The following SENP1 variants were observed in gnomAD, a reference collection of about 807,000 sequenced individuals.
SENP1 encodes sentrin-specific protease 1.
In SENP1, 21 loss-of-function variants were observed where a neutral mutation model predicts 93.0. That is an observed-to-expected ratio of 0.23 (90% CI 0.16 to 0.33). The LOEUF (loss-of-function observed/expected upper bound fraction) is 0.33, where lower values mean the gene tolerates loss of function less well. Among genes scored for constraint, SENP1 ranks in the 10% least tolerant of loss-of-function variants. SENP1 has a pLI of 1.00. For missense variants in SENP1, 591 were observed against 758.7 expected (o/e 0.78, Z 2.60); for synonymous variants, 256 against 259.6 (o/e 0.99, Z 0.13).
At chr12:48,068,398 T>C (rs569735636) in intron 9 of SENP1, among the ~76,000 whole-genome samples, 6 of 152,360 alleles carry the variant, frequency 3.9e-5, no homozygotes, top group African/African-American at 1.4e-4. Flanking sequence ...ATGTTTTATG[T>C]ATTAGTTAAG....
rs1565744126 is a variant in SENP1, at chr12:48,056,476, T to TACATATTACATATATAAATA, written c.1407+7233_1407+7234insTATTTATATATGTAATATGT. Among the ~76,000 whole-genome samples, 15 of 65,562 alleles carry TACATATTACATATATAAATA rather than the reference T, an allele frequency of 2.3e-4. 1 individual carries two copies. The highest frequency in any genetic ancestry group is 1.5e-3 in the African/African-American group (13 of 8,532). 43.0% of individuals were successfully genotyped at this position (65,562 alleles called of 152,430 possible). ...TTACATATTACATATATAAATATAT[T>TACATATTACATATATAAATA]ATTTAATATATTACATATTACATAT... On this transcript the variant is annotated intron_variant, in intron 13 of 17. Transcript: ENST00000549518.
intron 16 of SENP1, 44 bp from the exon 17 acceptor site, chr12:48,046,495 TTTCCTTCTTAG>T: frequency 7.7e-7 from 1 of 1,303,184 alleles, no homozygotes; most frequent in Non-Finnish European, 1.1e-6. Flanking sequence ...TCCAAGCTTC[TTTCCTTCTTAG>T]ATTAAAAATA....
intron 9 of SENP1, among the ~76,000 whole-genome samples, chr12:48,068,610 C>A (rs528219037): frequency 6.6e-6 from 1 of 151,770 alleles, no homozygotes; most frequent in African/African-American, 2.4e-5. Flanking sequence ...TAAAAAAAAG[C>A]GGGGGAGGAA....
intron 6 of SENP1, among the ~76,000 whole-genome samples, chr12:48,078,898 C>A (rs1565782787): frequency 6.6e-6 from 1 of 152,196 alleles, no homozygotes; most frequent in Non-Finnish European, 1.5e-5. Context: ...TCCTATAATT[C>A]CAACTCTTTG....
chr12:48,080,163 T>C (rs1433257186), intron 6 of SENP1: 3 of 152,226 alleles, frequency 2.0e-5, no homozygotes, highest in African/African-American at 7.2e-5. Flanking sequence ...AACAGAAATT[T>C]CTGTAGTAAT....
chr12:48,047,119 A>C, intron 15 of SENP1, 57 bp from the exon 16 acceptor site: 1 of 1,085,130 alleles, frequency 9.2e-7, no homozygotes, highest in Non-Finnish European at 1.4e-6. Context: ...GACAGCTGCC[A>C]CACTAAGAAT....
chr12:48,050,388 T>C (rs1321412456), intron 13 of SENP1, among the ~76,000 whole-genome samples: 1 of 152,136 alleles, frequency 6.6e-6, no homozygotes, highest in African/African-American at 2.4e-5. Context: ...AAAGGGCCTA[T>C]AGATGAGGAT....
intron 1 of SENP1, among the ~76,000 whole-genome samples, chr12:48,102,408 G>A (rs1380038250): frequency 3.4e-5 from 5 of 145,598 alleles, no homozygotes; most frequent in African/African-American, 1.3e-4. Flanking sequence ...CTCCAGCCTG[G>A]GCGACAGAGC....
At chr12:48,046,264 G>GC in intron 17 of SENP1, 92 bp downstream of exon 17, 3 of 788,764 alleles carry the variant, frequency 3.8e-6, no homozygotes, top group Non-Finnish European at 6.7e-6. Context: ...TAGGGTAGAG[G>GC]CCCCTAAAGA....
chr12:48,065,357 A>G (rs1943229061), intron 11 of SENP1, 137 bp from the exon 12 acceptor site: 1 of 736,880 alleles, frequency 1.4e-6, no homozygotes, highest in Non-Finnish European at 2.2e-6. Context: ...GCTTTTTTGT[A>G]AAGTCAAAAA....
At chr12:48,105,242 T>C (rs1592531665) in intron 1 of SENP1, 7 of 392,722 alleles carry the variant, frequency 1.8e-5, no homozygotes, top group South Asian at 1.4e-4. Context: ...CAAGGCTGAC[T>C]TGAAAGTGAT....
At chr12:48,064,990 T>C in intron 12 of SENP1, 75 bp downstream of exon 12, 5 of 1,114,780 alleles carry the variant, frequency 4.5e-6, no homozygotes, top group South Asian at 1.4e-5. Context: ...ATTGCTTTTA[T>C]GTTTGAAACT....
chr12:48,058,132 G>A (rs1322728502), intron 13 of SENP1, among the ~76,000 whole-genome samples: 1 of 150,970 alleles, frequency 6.6e-6, no homozygotes, highest in East Asian at 1.9e-4. Context: ...TTTTTGTAGA[G>A]ACGGGGTTTC....
At chr12:48,088,771 G>C in intron 5 of SENP1, 30 bp downstream of exon 5, 1 of 1,592,640 alleles carries the variant, frequency 6.3e-7, no homozygotes, top group Non-Finnish European at 8.6e-7. Flanking sequence ...CTGAGGAAGG[G>C]CTTGAGAACT....
At position 48,059,332 on chromosome 12, in the gene SENP1, C is replaced by T. The variant is rs182576395; in HGVS notation, c.1407+4378G>A. The stretch of plus-strand genomic sequence containing the variant: ...GTGTCTCATATTCAAGTTTCTATTG[C>T]TATTCAAGTTTACGAATTTTTTCTT... On this transcript the variant is annotated intron_variant, in intron 13 of 17. Transcript: ENST00000549518. Among the ~76,000 whole-genome samples the T allele has an allele frequency of 2.2e-4, 34 of 152,184 alleles. 1 individual carries two copies. Among genetic ancestry groups the T allele is most frequent in the Admixed American group, 2.6e-4 (4 of 15,276 alleles).
chr12:48,072,623 C>CAAACAA (rs765377422), intron 8 of SENP1, among the ~76,000 whole-genome samples: 3 of 151,936 alleles, frequency 2.0e-5, no homozygotes, highest in Non-Finnish European at 2.9e-5. Flanking sequence ...GTCTCAAAAA[C>CAAACAA]AAACAAAAAC....
chr12:48,058,126 TGTAG>T (rs1349608013), intron 13 of SENP1, among the ~76,000 whole-genome samples: 1 of 150,964 alleles, frequency 6.6e-6, no homozygotes, highest in East Asian at 1.9e-4. Context: ...TTGTATTTTT[TGTAG>T]AGACGGGGTT....
chr12:48,061,476 T>C (rs1307938130), intron 13 of SENP1, among the ~76,000 whole-genome samples: 5 of 152,180 alleles, frequency 3.3e-5, no homozygotes, highest in South Asian at 4.1e-4. Flanking sequence ...GGCTCAGTCA[T>C]AGCTCACTAT....
chr12:48,078,317 T>TTTTATATATATATATATATATATATA (rs1944243783), intron 6 of SENP1, among the ~76,000 whole-genome samples: 1 of 70,738 alleles, frequency 1.4e-5, no homozygotes, highest in South Asian at 6.6e-4. Context: ...CTGTAGGATT[T>TTTTATATATATATATATATATATATA]TATATATATA....
Sources: gnomAD v4.1 joint callset for allele counts (sites outside exome capture counted in the v4.1 genomes callset) on GRCh38, gnomAD v4.1.1 for gene constraint, MANE v1.5 for transcripts, NCBI Gene and HGNC (gene_info 2026-07-23, HGNC 2026-07-21) for gene names.